The following PARD3 variants were observed in gnomAD, a reference collection of about 807,000 sequenced individuals.
The protein encoded by PARD3 is partitioning defective 3 homolog.
In PARD3, 75 loss-of-function variants were observed where a neutral mutation model predicts 155.4. The observed-to-expected ratio is 0.48, with a 90% CI of 0.40 to 0.58. PARD3 has a LOEUF of 0.58. Ranked by LOEUF, PARD3 falls within the 20% of genes least tolerant of loss-of-function variation. The probability of loss-of-function intolerance (pLI) is 0.00; values close to 1 mark genes in which losing one functional copy is unlikely to be tolerated. For missense variants in PARD3, 1,642 were observed against 1,721.7 expected (o/e 0.95, Z 0.82); for synonymous variants, 576 against 610.5 (o/e 0.94, Z 0.83).
chr10:34,162,217 G>A (rs1949317973), intron 22 of PARD3, among the ~76,000 whole-genome samples: 1 of 152,156 alleles, frequency 6.6e-6, no homozygotes. Context: ...TGCACACTGG[G>A]GGGAAGGGGT....
At chr10:34,300,777 C>A (rs1313561068) in intron 20 of PARD3, among the ~76,000 whole-genome samples, 1 of 152,130 alleles carries the variant, frequency 6.6e-6, no homozygotes, top group Non-Finnish European at 1.5e-5. Flanking sequence ...GCTAATGCCA[C>A]GAAGATCCTT....
At chr10:34,172,884 G>A (rs683777) in intron 22 of PARD3, among the ~76,000 whole-genome samples, 29,546 of 152,006 alleles carry the variant, frequency 0.19, 3,759 homozygotes, top group Non-Finnish European at 0.26. Flanking sequence ...AATGAGTAAT[G>A]TATTCATTAT....
intron 3 of PARD3, among the ~76,000 whole-genome samples, chr10:34,510,656 AACT>A (rs1403677803): frequency 6.6e-6 from 1 of 152,136 alleles, no homozygotes; most frequent in Non-Finnish European, 1.5e-5. Context: ...TAAACCTTCA[AACT>A]ACTAAGAAGT....
rs751708147 is a variant in PARD3 at position 34,317,095 on chromosome 10, G to C, written c.3065+12C>G. 6.5e-7 allele frequency: 1 copy of C among 1,541,278 alleles called. No individual in the cohort carries two copies. The highest frequency in any genetic ancestry group is 8.7e-7 in the Non-Finnish European group (1 of 1,143,518). ...TTTAAGGAGATTCTGGTTTGGGATG[G>C]TAACGACTTACCTGAACATGTCTCC... On this transcript the variant is annotated intron_variant, in intron 20 of 24. Coordinates refer to ENST00000374788, the MANE Select transcript of PARD3 (RefSeq NM_001184785.2).
In PARD3 at chr10:34,448,958, G is replaced by A. The variant is rs1264655282; in HGVS notation, c.714+1359C>T. Among the ~76,000 whole-genome samples the A allele has an allele frequency of 5.9e-5, 8 of 134,664 alleles. No homozygotes were observed. The East Asian group carries it at 6.3e-4, about 11-fold the overall frequency. The allele number at this position is 134,664 out of a possible 152,430, so 88.3% of individuals were successfully genotyped here. On this transcript the variant is annotated intron_variant, in intron 5 of 24. Transcript: ENST00000374788. ...TTTTGAGAGAGAGTCTCACTCTGTC[G>A]CCCAGGCTAGAGTGCAGTGGCGTGA...
rs185577887 is a variant in PARD3, at chr10:34,526,278, T to G, written c.223-9119A>C. ...ACGTTAGTGAGCAAGCAACTGGGGG[T>G]GAAATACTTTCCATCTTCTTCCTAA... On this transcript the variant is annotated intron_variant, in intron 2 of 24. Coordinates refer to ENST00000374788, the MANE Select transcript of PARD3 (RefSeq NM_001184785.2). Among the ~76,000 whole-genome samples the G allele has an allele frequency of 1.1e-4, 17 of 151,924 alleles. No individual in the cohort carries two copies. In the East Asian group the frequency reaches 3.1e-3, roughly 28 times the overall value.
At chr10:34,479,196 C>T (rs560583451) in intron 3 of PARD3, among the ~76,000 whole-genome samples, 6 of 150,198 alleles carry the variant, frequency 4.0e-5, no homozygotes, top group Admixed American at 3.3e-4. Context: ...GAGTCTCGCC[C>T]TGTCGCCCAG....
At chr10:34,144,770 T>G (rs1050180436) in intron 22 of PARD3, among the ~76,000 whole-genome samples, 1 of 152,196 alleles carries the variant, frequency 6.6e-6, no homozygotes, top group Non-Finnish European at 1.5e-5. Flanking sequence ...AAAATTTATA[T>G]GAAAATGATT....
intron 22 of PARD3, among the ~76,000 whole-genome samples, chr10:34,154,796 G>A (rs1316946010): frequency 6.6e-6 from 1 of 152,112 alleles, no homozygotes; most frequent in Non-Finnish European, 1.5e-5. Context: ...AAACTCATGG[G>A]TTCTGCCTGA....
At chr10:34,340,295 C>A (rs1836666750) in intron 16 of PARD3, among the ~76,000 whole-genome samples, 2 of 152,170 alleles carry the variant, frequency 1.3e-5, no homozygotes, top group South Asian at 2.1e-4. Flanking sequence ...AGGCTTTTGT[C>A]CCTAAGATGA....
chr10:34,186,577 T>G (rs908419464), intron 22 of PARD3, among the ~76,000 whole-genome samples: 2 of 152,096 alleles, frequency 1.3e-5, no homozygotes, highest in Non-Finnish European at 2.9e-5. Context: ...CACAGTTTCT[T>G]GTTTTCCCTC....
At chr10:34,156,179 C>A (rs538340765) in intron 22 of PARD3, among the ~76,000 whole-genome samples, 3 of 152,172 alleles carry the variant, frequency 2.0e-5, no homozygotes, top group Non-Finnish European at 4.4e-5. Flanking sequence ...GCTATCATAG[C>A]TCACTGTAAC....
intron 22 of PARD3, among the ~76,000 whole-genome samples, chr10:34,187,701 C>T (rs1950546329): frequency 6.6e-6 from 1 of 152,218 alleles, no homozygotes; most frequent in African/African-American, 2.4e-5. Context: ...AATTGACTTA[C>T]ATGACATTCA....
At chr10:34,367,667 C>T (rs969407488) in intron 12 of PARD3, among the ~76,000 whole-genome samples, 4 of 152,176 alleles carry the variant, frequency 2.6e-5, no homozygotes, top group Non-Finnish European at 5.9e-5. Flanking sequence ...CGAGCCACTG[C>T]ACTCCAGCCT....
chr10:34,689,717 T>C (rs2094015720), intron 2 of PARD3, among the ~76,000 whole-genome samples: 1 of 152,212 alleles, frequency 6.6e-6, no homozygotes, highest in South Asian at 2.1e-4. Flanking sequence ...CGCAGAAGGA[T>C]ACAAAATCTA....
intron 2 of PARD3, among the ~76,000 whole-genome samples, chr10:34,676,868 G>C (rs2093717848): frequency 6.6e-6 from 1 of 152,184 alleles, no homozygotes; most frequent in African/African-American, 2.4e-5. Context: ...TCTGCCAACA[G>C]AATCAGCAAC....
At chr10:34,477,952 T>TGG (rs954315729) in intron 3 of PARD3, among the ~76,000 whole-genome samples, 6 of 152,190 alleles carry the variant, frequency 3.9e-5, no homozygotes, top group Non-Finnish European at 7.3e-5. Context: ...TCACATGCTG[T>TGG]GGGGATACAA....
intron 19 of PARD3, among the ~76,000 whole-genome samples, chr10:34,322,713 CTCT>C: frequency 6.6e-6 from 1 of 152,096 alleles, no homozygotes; most frequent in South Asian, 2.1e-4. Context: ...CAATACTCTC[CTCT>C]GAGGGAGAGG....
At chr10:34,382,166 G>T (rs893261620) in intron 9 of PARD3, among the ~76,000 whole-genome samples, 2 of 151,990 alleles carry the variant, frequency 1.3e-5, no homozygotes, top group Non-Finnish European at 2.9e-5. Flanking sequence ...AGCAAATGGG[G>T]CAGTCAAAAT....
Sources: allele counts gnomAD v4.1 joint callset (sites outside exome capture counted in the v4.1 genomes callset), GRCh38; gene constraint gnomAD v4.1.1; transcripts MANE v1.5; gene names NCBI Gene and HGNC (gene_info 2026-07-23, HGNC 2026-07-21).